Variants in RBM19 observed in about 807,000 individuals in gnomAD.
RBM19 encodes probable RNA-binding protein 19.
A neutral mutation model predicts 116.8 loss-of-function variants in RBM19; 94 were observed. The observed-to-expected ratio is 0.80, with a 90% CI of 0.68 to 0.95. The LOEUF is 0.95. Ranked by LOEUF, RBM19 falls within the 40% of genes least tolerant of loss-of-function variation. The pLI is 0.00. For synonymous variants in RBM19, 475 were observed against 494.1 expected (o/e 0.96, Z 0.51); for missense variants, 1,161 against 1,220.7 (o/e 0.95, Z 0.73).
intron 23 of RBM19, among the ~76,000 whole-genome samples, chr12:113,826,616 G>C (rs1035762478): frequency 1.3e-5 from 2 of 152,200 alleles, no homozygotes; most frequent in Non-Finnish European, 2.9e-5. Context: ...AGGCTTTCTG[G>C]TCTGGCAGGG....
chr12:113,950,904 T>C (rs1871410921), intron 8 of RBM19, among the ~76,000 whole-genome samples: 1 of 152,040 alleles, frequency 6.6e-6, no homozygotes, highest in South Asian at 2.1e-4. Flanking sequence ...CCCCTCTCCA[T>C]GGCCACACCC....
chr12:113,884,334 C>CACACAT (rs1880383690), intron 21 of RBM19, among the ~76,000 whole-genome samples: 1 of 148,574 alleles, frequency 6.7e-6, no homozygotes, highest in Non-Finnish European at 1.5e-5. Flanking sequence ...CACACACACA[C>CACACAT]GTACTTTTTG....
intron 16 of RBM19, among the ~76,000 whole-genome samples, chr12:113,928,163 C>T (rs1463583437): frequency 1.3e-5 from 2 of 152,076 alleles, no homozygotes; most frequent in African/African-American, 4.8e-5. Flanking sequence ...GTGGTGAAAC[C>T]TTGTCTCCAC....
rs749663361 is a variant in RBM19, at chr12:113,940,052, C to A, written c.1846G>T (p.Val616Leu). 2 of 1,613,978 alleles carry A rather than the reference C, an allele frequency of 1.2e-6. No homozygotes were observed. Among genetic ancestry groups the A allele is most frequent in the Non-Finnish European group, 1.7e-6 (2 of 1,179,990 alleles). Residue 616 changes from valine (V) to leucine (L), a missense_variant, in exon 15 of 24, where the codon GTG becomes TTG. Physicochemically the swap from Val to Leu is conservative, Grantham distance 32 (BLOSUM62 1). Coordinates refer to ENST00000261741, the MANE Select transcript of RBM19 (RefSeq NM_016196.4). ...TFGHFGSLGRVLLPEGGITAI... is the reference protein window; with the variant it reads ...TFGHFGSLGRLLLPEGGITAI... ...GTGATTCCGCCCTCTGGCAGCAGCA[C>A]GCGGCCCAGGCTGCCAAAATGGCCG...
chr12:113,850,517 G>T (rs936014465), intron 22 of RBM19, among the ~76,000 whole-genome samples: 1 of 152,260 alleles, frequency 6.6e-6, no homozygotes, highest in Non-Finnish European at 1.5e-5. Context: ...CTGCAGGCTA[G>T]ACTGTGGCCC....
intron 22 of RBM19, among the ~76,000 whole-genome samples, chr12:113,854,274 G>A (rs992270972): frequency 1.3e-4 from 20 of 152,170 alleles, no homozygotes; most frequent in African/African-American, 4.6e-4. Flanking sequence ...GCTTCCAGAA[G>A]TTGACAGTTT....
intron 21 of RBM19, among the ~76,000 whole-genome samples, chr12:113,864,052 G>C (rs865873682): frequency 6.6e-6 from 1 of 152,182 alleles, no homozygotes; most frequent in South Asian, 2.1e-4. Context: ...GAGGCTCAAA[G>C]AAGGAACATG....
At chr12:113,846,829 T>C (rs987662582) in intron 22 of RBM19, among the ~76,000 whole-genome samples, 2 of 152,176 alleles carry the variant, frequency 1.3e-5, no homozygotes, top group African/African-American at 4.8e-5. Context: ...CCTCCCACCT[T>C]GGCCTACCGA....
rs1328905404 is a variant in RBM19 at position 113,837,244 on chromosome 12, A to AACACACACACACAC, written c.2785+7423_2785+7424insGTGTGTGTGTGTGT. Among the ~76,000 whole-genome samples the AACACACACACACAC allele has an allele frequency of 5.9e-4, 8 of 13,590 alleles. No individual in the cohort carries two copies. In the East Asian group the frequency reaches 0.048, roughly 82 times the overall value. 8.9% of individuals were successfully genotyped at this position (13,590 alleles called of 152,430 possible). ...GCCCAGGCTTATAACCCATCCTCCT[A>AACACACACACACAC]ATACACACACACACACACACACACA... On this transcript the variant is annotated intron_variant, in intron 23 of 23. Coordinates refer to ENST00000261741, the MANE Select transcript of RBM19 (RefSeq NM_016196.4).
chr12:113,939,645 G>A (rs1287825379), intron 15 of RBM19, among the ~76,000 whole-genome samples: 18 of 152,084 alleles, frequency 1.2e-4, no homozygotes, highest in African/African-American at 4.3e-4. Context: ...AGCTACTTGG[G>A]AGGCTGAGGC....
Position 113,822,916 on chromosome 12 carries a change from G to A in RBM19, c.*308C>T. On this transcript the variant is annotated 3_prime_UTR_variant, in exon 24 of 24. Coordinates refer to ENST00000261741, the MANE Select transcript of RBM19 (RefSeq NM_016196.4). ...GGGAGCAGGGGTTCTAGCTCCCTGT[G>A]TAGCTGTTCCCAAGTCTCTCTTCCT... The A allele has an allele frequency of 3.4e-6, 1 of 297,224 alleles. No individual in the cohort carries two copies. The allele number at this position is 297,224 out of a possible 1,614,324, so 18.4% of individuals were successfully genotyped here.
In RBM19 at chr12:113,920,697, G is replaced by C. The variant is rs200339287; in HGVS notation, c.2306-7C>G. The C allele has an allele frequency of 2.3e-3, 3,667 of 1,612,440 alleles. 8 individuals carry two copies. The highest frequency in any genetic ancestry group is 2.9e-3 in the Non-Finnish European group (3,473 of 1,178,534). ...CCCATGGAAAGGAGCACTCCTGAGA[G>C]AGAGAGGTGGAAATCACACCAGTCG... On this transcript the variant is annotated splice_region_variant and splice_polypyrimidine_tract_variant and intron_variant, in intron 18 of 23. Transcript: ENST00000261741.
At chr12:113,869,557 C>T (rs555312190) in intron 21 of RBM19, among the ~76,000 whole-genome samples, 72 of 152,324 alleles carry the variant, frequency 4.7e-4, no homozygotes, top group South Asian at 3.9e-3. Flanking sequence ...TCAAGTACAG[C>T]TAATCCCATT....
In RBM19 at chr12:113,927,102, C is replaced by G. The variant is rs779436767; in HGVS notation, c.2196G>C (p.Leu732=). ...TGTCAAAATTGAGATTCTTAATAAA[C>G]AGAGTACATCCTGGGAGGCTCTCTT... The part of the protein sequence containing the change: ...EEEESLPGCT[L]FIKNLNFDTT... Residue 732 remains leucine (L), a synonymous_variant, in exon 17 of 24, where the codon CTG becomes CTC. Coordinates refer to ENST00000261741, the MANE Select transcript of RBM19 (RefSeq NM_016196.4). The G allele has an allele frequency of 6.2e-7, 1 of 1,613,640 alleles. No individual in the cohort carries two copies. The highest frequency in any genetic ancestry group is 8.5e-7 in the Non-Finnish European group (1 of 1,180,014).
chr12:113,910,975 G>T (rs1882390638), intron 21 of RBM19, among the ~76,000 whole-genome samples: 1 of 151,876 alleles, frequency 6.6e-6, no homozygotes, highest in Non-Finnish European at 1.5e-5. Flanking sequence ...TGGAGACAGG[G>T]AAAGAGGAAA....
intron 16 of RBM19, among the ~76,000 whole-genome samples, chr12:113,935,790 T>C (rs73399035): frequency 0.16 from 24,245 of 152,106 alleles, 2,562 homozygotes; most frequent in African/African-American, 0.3. Flanking sequence ...TCCCAGCACT[T>C]TGGGAGGCTG....
chr12:113,959,253 C>T lies in RBM19; in HGVS notation c.530G>A (p.Gly177Glu). The T allele has an allele frequency of 6.2e-7, 1 of 1,613,336 alleles. No homozygotes were observed. Among genetic ancestry groups the T allele is most frequent in the Non-Finnish European group, 8.5e-7 (1 of 1,179,842 alleles). The change falls in exon 5 of 24, where the codon GGG becomes GAG. Residue 177 changes from glycine (G) to glutamate (E), a missense_variant. By Grantham distance (98) the Gly-to-Glu change is moderately conservative. Transcript: ENST00000261741. Reference protein sequence around the residue: ...SDYLNFDSDSGQESEEEGAGE... With the variant: ...SDYLNFDSDSEQESEEEGAGE... ...GGCTCCCTCCTCCTCACTCTCCTGC[C>T]CAGAATCGGAGTCGAAGTTCAGGTA...
intron 22 of RBM19, among the ~76,000 whole-genome samples, chr12:113,856,455 G>T (rs1877910140): frequency 6.6e-6 from 1 of 152,226 alleles, no homozygotes. Context: ...GCCCTGGTTG[G>T]ACCCTCCATG....
At position 113,937,042 on chromosome 12, in the gene RBM19, T is replaced by C. The variant is rs777572670; in HGVS notation, c.2033A>G (p.Glu678Gly). The C allele has an allele frequency of 1.9e-6, 3 of 1,614,158 alleles. No individual in the cohort carries two copies. Among genetic ancestry groups the C allele is most frequent in the Non-Finnish European group, 2.5e-6 (3 of 1,180,020 alleles). Residue 678 changes from glutamate (E) to glycine (G), a missense_variant, in exon 16 of 24, where the codon GAA becomes GGA. Physicochemically the swap from Glu to Gly is moderately conservative, Grantham distance 98. Coordinates refer to ENST00000261741, the MANE Select transcript of RBM19 (RefSeq NM_016196.4). The stretch of plus-strand genomic sequence containing the variant: ...CTCTGCTGGGTCCTTTTCCATGGGT[T>C]CTGAAGGTGTGTCTTGGAGCTTTTT... ...QKKKLQDTPSEPMEKDPAEPE... is the reference protein window; with the variant it reads ...QKKKLQDTPSGPMEKDPAEPE...
Sources: allele counts gnomAD v4.1 joint callset (sites outside exome capture counted in the v4.1 genomes callset), GRCh38; gene constraint gnomAD v4.1.1; transcripts MANE v1.5; gene names NCBI Gene and HGNC (gene_info 2026-07-23, HGNC 2026-07-21).